RFX3: variants seen among roughly 807,000 people sequenced by gnomAD.
RFX3 encodes the protein regulatory factor X3.
In RFX3, 14 loss-of-function variants were observed where a neutral mutation model predicts 98.6. The observed-to-expected ratio is 0.14, with a 90% CI of 0.09 to 0.22. The LOEUF (loss-of-function observed/expected upper bound fraction) is 0.22, where lower values mean the gene tolerates loss of function less well. Among genes scored for constraint, RFX3 ranks in the 10% least tolerant of loss-of-function variants. The pLI is 1.00. For synonymous variants in RFX3, 383 were observed against 328.4 expected (o/e 1.17, Z -1.80); for missense variants, 639 against 926.9 (o/e 0.69, Z 4.03).
chr9:3,286,538 A>C (rs1264788678), intron 7 of RFX3, among the ~76,000 whole-genome samples: 1 of 151,846 alleles, frequency 6.6e-6, no homozygotes, highest in Admixed American at 6.6e-5. Context: ...GTAAAAAGCC[A>C]CTGAACAAGG....
Position 3,423,778 on chromosome 9 carries a change from C to CATATATATATATAT in RFX3, c.-8-28196_-8-28183dup, listed in dbSNP as rs61209874. 4.9e-3 allele frequency among the ~76,000 whole-genome samples: 542 copies of CATATATATATATAT among 110,956 alleles called. 7 individuals are homozygous for CATATATATATATAT. The highest frequency in any genetic ancestry group is 0.015 in the East Asian group (36 of 2,468). The allele number at this position is 110,956 out of a possible 152,430, so 72.8% of individuals were successfully genotyped here. On this transcript the variant is annotated intron_variant, in intron 1 of 16. Coordinates refer to ENST00000617270, the MANE Select transcript of RFX3 (RefSeq NM_001282116.2). The stretch of plus-strand genomic sequence containing the variant: ...TTTCATTTTATGTATTATATATTTT[C>CATATATATATATAT]ATATATATATATATATATATATATA...
chr9:3,471,987 C>G (rs1848819429), intron 1 of RFX3, among the ~76,000 whole-genome samples: 1 of 152,218 alleles, frequency 6.6e-6, no homozygotes, highest in African/African-American at 2.4e-5. Context: ...ATAAACAGCA[C>G]TGGCTGGCCA....
At chr9:3,341,393 T>A (rs1003193801) in intron 3 of RFX3, among the ~76,000 whole-genome samples, 15 of 147,900 alleles carry the variant, frequency 1.0e-4, no homozygotes, top group African/African-American at 3.7e-4. Flanking sequence ...ACCCTAAAAC[T>A]TAAAGTATAA....
At chr9:3,429,531 G>C (rs1344514844) in intron 1 of RFX3, among the ~76,000 whole-genome samples, 2 of 151,938 alleles carry the variant, frequency 1.3e-5, no homozygotes, top group Non-Finnish European at 2.9e-5. Context: ...AACACTGTCT[G>C]ATTGTAGGAT....
chr9:3,396,493 G>C (rs1391189537), intron 1 of RFX3, among the ~76,000 whole-genome samples: 1 of 152,128 alleles, frequency 6.6e-6, no homozygotes. Context: ...TAGTGCCGCA[G>C]TAAACATATG....
At chr9:3,290,342 C>T (rs1827182314) in intron 6 of RFX3, among the ~76,000 whole-genome samples, 1 of 152,108 alleles carries the variant, frequency 6.6e-6, no homozygotes. Context: ...CAAAACCAAA[C>T]AACCCCAATT....
intron 1 of RFX3, among the ~76,000 whole-genome samples, chr9:3,523,959 A>C (rs1397966118): frequency 6.6e-6 from 1 of 152,218 alleles, no homozygotes; most frequent in Non-Finnish European, 1.5e-5. Context: ...CTTATTTTAC[A>C]AAATATTAGC....
chr9:3,395,386 G>T, intron 2 of RFX3, 86 bp downstream of exon 2: 2 of 1,480,440 alleles, frequency 1.4e-6, no homozygotes, highest in South Asian at 1.2e-5. Flanking sequence ...AGACAGTAAA[G>T]TTCAAATAAT....
At chr9:3,416,652 C>A (rs1050356104) in intron 1 of RFX3, among the ~76,000 whole-genome samples, 24 of 152,224 alleles carry the variant, frequency 1.6e-4, no homozygotes, top group Admixed American at 1.2e-3. Context: ...TGAAGTGGCA[C>A]ATTATTTGAA....
chr9:3,329,665 C>T lies in RFX3; in HGVS notation c.474+594G>A, dbSNP rs1394806979. Among the ~76,000 whole-genome samples, 3 of 152,064 alleles carry T rather than the reference C, an allele frequency of 2.0e-5. No individual in the cohort carries two copies. The East Asian group carries it at 5.8e-4, about 29-fold the overall frequency. ...AACTTTACTATTTAAATATTGATTT[C>T]AATATGTATTAGGAAAAAATTACAC... On this transcript the variant is annotated intron_variant, in intron 4 of 16. Transcript: ENST00000617270.
intron 13 of RFX3, among the ~76,000 whole-genome samples, chr9:3,260,019 G>C (rs571979354): frequency 6.6e-5 from 10 of 151,966 alleles, no homozygotes; most frequent in Admixed American, 5.9e-4. Context: ...GGGAGGCAAG[G>C]GACTCTGGGA....
chr9:3,517,723 T>C (rs546106928), intron 1 of RFX3, among the ~76,000 whole-genome samples: 2 of 152,350 alleles, frequency 1.3e-5, no homozygotes, highest in South Asian at 2.1e-4. Context: ...GGCCAGTACA[T>C]AGCCAGGACT....
At chr9:3,362,950 A>C (rs1260511911) in intron 2 of RFX3, among the ~76,000 whole-genome samples, 1 of 151,976 alleles carries the variant, frequency 6.6e-6, no homozygotes, top group Admixed American at 6.5e-5. Context: ...AAAACAGGAT[A>C]GATATTACAT....
At chr9:3,291,664 G>A (rs535318366) in intron 6 of RFX3, among the ~76,000 whole-genome samples, 11 of 152,092 alleles carry the variant, frequency 7.2e-5, no homozygotes, top group African/African-American at 1.2e-4. Flanking sequence ...TTAATCTTTC[G>A]TTATAGGGGT....
At chr9:3,269,944 G>A (rs1322631728) in intron 11 of RFX3, among the ~76,000 whole-genome samples, 1 of 152,056 alleles carries the variant, frequency 6.6e-6, no homozygotes, top group African/African-American at 2.4e-5. Context: ...TTATGAAGGA[G>A]ACTGTGTCCT....
chr9:3,243,232 C>T (rs1440766247), intron 15 of RFX3, among the ~76,000 whole-genome samples: 3 of 150,838 alleles, frequency 2.0e-5, no homozygotes, highest in South Asian at 2.1e-4. Flanking sequence ...TTCACCACTG[C>T]CAGAAAGCTT....
At chr9:3,489,082 C>T (rs1003940639) in intron 1 of RFX3, among the ~76,000 whole-genome samples, 6 of 151,870 alleles carry the variant, frequency 4.0e-5, no homozygotes, top group African/African-American at 1.5e-4. Flanking sequence ...CCAGATTATA[C>T]ATGCTTAAAA....
At chr9:3,445,416 A>C (rs1845963668) in intron 1 of RFX3, among the ~76,000 whole-genome samples, 1 of 152,098 alleles carries the variant, frequency 6.6e-6, no homozygotes, top group African/African-American at 2.4e-5. Flanking sequence ...CAAGATAGCT[A>C]TTTTTCCCAT....
At chr9:3,302,160 G>T (rs1256556733) in intron 4 of RFX3, among the ~76,000 whole-genome samples, 1 of 151,782 alleles carries the variant, frequency 6.6e-6, no homozygotes. Flanking sequence ...TATGGAAGTA[G>T]GGGGTCATCA....
Sources: allele counts gnomAD v4.1 joint callset (sites outside exome capture counted in the v4.1 genomes callset), GRCh38; gene constraint gnomAD v4.1.1; transcripts MANE v1.5; gene names NCBI Gene and HGNC (gene_info 2026-07-23, HGNC 2026-07-21).